RERE: variants seen among roughly 807,000 people sequenced by gnomAD.
RERE encodes the protein arginine-glutamic acid dipeptide repeats.
Under a neutral mutation model 146.1 loss-of-function variants are expected in RERE, and 40 were observed. The observed-to-expected ratio is 0.27, with a 90% confidence interval of 0.21 to 0.36. The LOEUF is 0.36. Ranked by LOEUF, RERE falls within the 10% of genes least tolerant of loss-of-function variation. The pLI, the probability that RERE is intolerant of heterozygous loss-of-function variation, is 1.00. For synonymous variants in RERE, 1,003 were observed against 866.0 expected, an observed-to-expected ratio of 1.16 and a Z score of -2.78; for missense variants, 1,933 against 2,138.7, an observed-to-expected ratio of 0.90 and a Z score of 1.90.
At chr1:8,733,402 C>A (rs1056475982) in intron 1 of RERE, among the ~76,000 whole-genome samples, 6 of 152,160 alleles carry the variant, frequency 3.9e-5, no homozygotes, top group African/African-American at 1.4e-4. Context: ...CAAAATGGCC[C>A]CCAGTGAGCT....
intron 7 of RERE, among the ~76,000 whole-genome samples, chr1:8,529,287 C>CTTTTTTTTTTTTTTTTTTTTTTT (rs34547801): frequency 9.8e-5 from 10 of 102,438 alleles, no homozygotes; most frequent in African/African-American, 3.8e-4. Flanking sequence ...GTTCTCCCTT[C>CTTTTTTTTTTTTTTTTTTTTTTT]TTTTTTTTTT....
chr1:8,587,208 T>C (rs1646437519), intron 4 of RERE, among the ~76,000 whole-genome samples: 1 of 152,184 alleles, frequency 6.6e-6, no homozygotes, highest in African/African-American at 2.4e-5. Context: ...GCACAGGCTT[T>C]AAAATTATGG....
At chr1:8,374,104 C>CT (rs2124394560) in intron 12 of RERE, among the ~76,000 whole-genome samples, 1 of 152,328 alleles carries the variant, frequency 6.6e-6, no homozygotes, top group African/African-American at 2.4e-5. Flanking sequence ...ATCTCAGCCT[C>CT]CTACGTTCAA....
chr1:8,653,342 T>C (rs559833496), intron 2 of RERE, among the ~76,000 whole-genome samples: 1 of 152,324 alleles, frequency 6.6e-6, no homozygotes, highest in African/African-American at 2.4e-5. Flanking sequence ...CCACATTAAA[T>C]TGTTATCAAG....
intron 1 of RERE, among the ~76,000 whole-genome samples, chr1:8,764,310 A>G (rs1357636957): frequency 6.6e-6 from 1 of 152,206 alleles, no homozygotes; most frequent in Non-Finnish European, 1.5e-5. Context: ...GATCCCAGCC[A>G]GGTGCCTTAG....
At chr1:8,660,983 C>A (rs1638442789) in intron 1 of RERE, among the ~76,000 whole-genome samples, 1 of 152,190 alleles carries the variant, frequency 6.6e-6, no homozygotes, top group Non-Finnish European at 1.5e-5. Context: ...CATAAAACCC[C>A]TGCCCTTATC....
At chr1:8,704,909 C>T (rs1165789992) in intron 1 of RERE, among the ~76,000 whole-genome samples, 1 of 152,184 alleles carries the variant, frequency 6.6e-6, no homozygotes, top group Non-Finnish European at 1.5e-5. Context: ...CCACTAAACA[C>T]CATTCCTCAG....
chr1:8,409,507 C>G (rs563404798), intron 12 of RERE, among the ~76,000 whole-genome samples: 11 of 152,212 alleles, frequency 7.2e-5, no homozygotes, highest in Non-Finnish European at 1.6e-4. Context: ...CCAATTTGGA[C>G]TGACAGCAAA....
intron 7 of RERE, among the ~76,000 whole-genome samples, chr1:8,540,402 T>C (rs2124388710): frequency 6.6e-6 from 1 of 152,348 alleles, no homozygotes. Flanking sequence ...CATGAGCCAC[T>C]GCACCTGGCC....
chr1:8,659,818 T>C (rs747036258), intron 1 of RERE, among the ~76,000 whole-genome samples: 1 of 152,046 alleles, frequency 6.6e-6, no homozygotes, highest in African/African-American at 2.4e-5. Flanking sequence ...AGAGAAAAAA[T>C]AGTAAGTCCA....
chr1:8,805,011 T>TTTG, intron 1 of RERE, among the ~76,000 whole-genome samples: 3 of 139,288 alleles, frequency 2.2e-5, no homozygotes, highest in African/African-American at 8.0e-5. Flanking sequence ...GTTTTTGGTT[T>TTTG]TTTTTTTTTT....
chr1:8,683,801 G>A (rs571944688), intron 1 of RERE, among the ~76,000 whole-genome samples: 1 of 152,174 alleles, frequency 6.6e-6, no homozygotes, highest in African/African-American at 2.4e-5. Context: ...AATAAGCCGG[G>A]CAGGGTGGGG....
intron 8 of RERE, among the ~76,000 whole-genome samples, chr1:8,501,972 T>G (rs1354122607): frequency 1.2e-5 from 1 of 86,636 alleles, no homozygotes; most frequent in Non-Finnish European, 2.3e-5. Flanking sequence ...AGCCGCCCCG[T>G]CCGGGAGGGA....
intron 1 of RERE, among the ~76,000 whole-genome samples, chr1:8,683,385 C>T (rs11577530): frequency 0.16 from 24,137 of 151,946 alleles, 2,306 homozygotes; most frequent in Middle Eastern, 0.26. Context: ...TCTAATCATT[C>T]TACTTAAAGA....
At chr1:8,729,413 C>T (rs996050618) in intron 1 of RERE, among the ~76,000 whole-genome samples, 4 of 150,414 alleles carry the variant, frequency 2.7e-5, no homozygotes, top group African/African-American at 4.9e-5. Flanking sequence ...TTAGTAGAGA[C>T]GGGGTTTCAC....
chr1:8,626,778 C>G (rs571558056), intron 2 of RERE, among the ~76,000 whole-genome samples: 196 of 152,314 alleles, frequency 1.3e-3, no homozygotes, highest in Non-Finnish European at 1.9e-3. Context: ...TGCTCCTGAC[C>G]AAAATCAGCC....
intron 1 of RERE, among the ~76,000 whole-genome samples, chr1:8,809,124 C>G (rs1351917011): frequency 8.4e-6 from 1 of 118,964 alleles, no homozygotes; most frequent in Non-Finnish European, 1.6e-5. Context: ...GGCGACAGAG[C>G]GAGACTTTGT....
chr1:8,393,472 A>G (rs747064385), intron 12 of RERE, among the ~76,000 whole-genome samples: 2 of 152,114 alleles, frequency 1.3e-5, no homozygotes, highest in African/African-American at 4.8e-5. Flanking sequence ...GACTCAATCT[A>G]AACTGCTCTG....
intron 1 of RERE, among the ~76,000 whole-genome samples, chr1:8,741,128 A>G (rs894480040): frequency 6.6e-6 from 1 of 152,172 alleles, no homozygotes; most frequent in African/African-American, 2.4e-5. Flanking sequence ...TAACTAAGCA[A>G]CAGGAAATTT....
Sources: gnomAD v4.1 joint callset for allele counts (sites outside exome capture counted in the v4.1 genomes callset) on GRCh38, gnomAD v4.1.1 for gene constraint, MANE v1.5 for transcripts, NCBI Gene and HGNC (gene_info 2026-07-23, HGNC 2026-07-21) for gene names.